Variants in MYH10 observed in about 807,000 individuals in gnomAD.
MYH10 encodes myosin-10.
MYH10 carries 55 observed loss-of-function variants against 257.8 expected under a neutral mutation model. The ratio of observed to expected loss-of-function variants is 0.21; its 90% CI spans 0.17 to 0.27. The LOEUF is 0.27. Among genes scored for constraint, MYH10 ranks in the 10% least tolerant of loss-of-function variants. MYH10 has a pLI of 1.00. For synonymous variants in MYH10, 854 were observed against 921.7 expected (o/e 0.93, Z 1.33); for missense variants, 1,631 against 2,500.6 (o/e 0.65, Z 7.42).
chr17:8,514,027 G>C (rs2081381932), intron 21 of MYH10, 133 bp from the exon 22 acceptor site: 1 of 814,030 alleles, frequency 1.2e-6, no homozygotes, highest in African/African-American at 1.7e-5. Context: ...TCAAGTCCTG[G>C]GTGAGACGCA....
intron 17 of MYH10, among the ~76,000 whole-genome samples, chr17:8,526,138 A>C (rs1271785147): frequency 6.6e-6 from 1 of 152,224 alleles, no homozygotes; most frequent in African/African-American, 2.4e-5. Flanking sequence ...CACCAACAAA[A>C]TCATCTTGTG....
chr17:8,569,799 C>T lies in MYH10; in HGVS notation c.677G>A (p.Arg226Gln), dbSNP rs747816782. 2.9e-5 allele frequency: 46 copies of T among 1,610,846 alleles called. No individual in the cohort carries two copies. In the East Asian group the frequency reaches 5.8e-4, roughly 20 times the overall value. Residue 226 changes from arginine (R) to glutamine (Q), a missense_variant, in exon 7 of 43, where the codon CGG (arginine) becomes CAG (glutamine). Around this residue, in one of 11 missense-constraint regions of MYH10, gnomAD observed 360 missense variants for 581.9 expected, o/e 0.62. Coordinates refer to ENST00000360416, the MANE Select transcript of MYH10 (RefSeq NM_001256012.3). This position sits in a 1 kb window ranked among gnomAD's most constrained non-coding sequence, Gnocchi z 4.1. ...AATTGGATTTGCTTGCAAAAGCTGCCGTTCAAGTTCCCCCTAAAAGACATT... is the reference window on the plus strand; with the variant it reads ...AATTGGATTTGCTTGCAAAAGCTGCTGTTCAAGTTCCCCCTAAAAGACATT... ...KPVKHQGELE[R>Q]QLLQANPILE...
chr17:8,509,287 C>T (rs748335418), intron 25 of MYH10, among the ~76,000 whole-genome samples: 6 of 152,130 alleles, frequency 3.9e-5, no homozygotes, highest in African/African-American at 1.4e-4. Flanking sequence ...ATCAGCCCAG[C>T]GTCTGGTCTA....
intron 17 of MYH10, among the ~76,000 whole-genome samples, chr17:8,530,232 T>C (rs2081970560): frequency 6.6e-6 from 1 of 152,144 alleles, no homozygotes; most frequent in Non-Finnish European, 1.5e-5. Context: ...TAAAGGTGAC[T>C]CAAAAGCAAA....
At chr17:8,556,190 G>A (rs1282277033) in intron 7 of MYH10, among the ~76,000 whole-genome samples, 2 of 152,286 alleles carry the variant, frequency 1.3e-5, no homozygotes, top group East Asian at 1.9e-4. Context: ...AAGGCAAAAC[G>A]GTACAGCCAG....
At chr17:8,551,082 T>C (rs1038498177) in intron 9 of MYH10, among the ~76,000 whole-genome samples, 5 of 150,696 alleles carry the variant, frequency 3.3e-5, no homozygotes, top group African/African-American at 1.2e-4. Flanking sequence ...CCCTCCACTA[T>C]TGTCCTATGA....
intron 7 of MYH10, among the ~76,000 whole-genome samples, chr17:8,565,270 A>G (rs1336244917): frequency 6.6e-6 from 1 of 152,234 alleles, no homozygotes; most frequent in Non-Finnish European, 1.5e-5. Flanking sequence ...TAACAAATCA[A>G]ACATCAAAAT....
chr17:8,481,448 T>C (rs376372614), intron 37 of MYH10, 38 bp from the exon 38 acceptor site: 33 of 1,590,282 alleles, frequency 2.1e-5, no homozygotes, highest in Non-Finnish European at 2.7e-5. Flanking sequence ...TGGCTGTGAA[T>C]AGTTTCCTCA....
intron 3 of MYH10, among the ~76,000 whole-genome samples, chr17:8,603,805 A>G (rs1291717852): frequency 6.6e-6 from 1 of 152,178 alleles, no homozygotes; most frequent in East Asian, 1.9e-4. Flanking sequence ...TATTAAATTT[A>G]ATCTTTCTTT....
intron 3 of MYH10, among the ~76,000 whole-genome samples, chr17:8,600,570 C>T (rs1424424988): frequency 6.6e-6 from 1 of 152,120 alleles, no homozygotes. Context: ...AAGGACCTTA[C>T]GATCAAGGGA....
chr17:8,511,027 T>TATATATAC (rs1567822992), intron 24 of MYH10: 4 of 4,286 alleles, frequency 9.3e-4, no homozygotes, highest in African/African-American at 1.1e-3. Flanking sequence ...TATATATATA[T>TATATATAC]ATATATATAT....
intron 17 of MYH10, among the ~76,000 whole-genome samples, chr17:8,527,460 T>G (rs1265762403): frequency 6.6e-6 from 1 of 152,226 alleles, no homozygotes; most frequent in Non-Finnish European, 1.5e-5. Flanking sequence ...CTGCGCTCGC[T>G]TTCTCCCGTT....
intron 40 of MYH10, among the ~76,000 whole-genome samples, 189 bp downstream of exon 40, chr17:8,479,921 G>A (rs112081418): frequency 7.2e-5 from 11 of 152,282 alleles, no homozygotes; most frequent in Admixed American, 2.0e-4. Context: ...CACGGATGCC[G>A]TCTGTCCTCC....
intron 7 of MYH10, chr17:8,561,276 GC>G: frequency 9.8e-7 from 1 of 1,021,340 alleles, no homozygotes; most frequent in Non-Finnish European, 1.5e-6. Context: ...AAGGGCCGCG[GC>G]CACGTGCAGG....
rs769870246 is a variant in MYH10 at position 8,493,753 on chromosome 17, C to T, written c.4189G>A (p.Val1397Met). ...EEARKNLEKQ[V>M]LALQSQLADT... is the part of the protein sequence containing the mutation. ...CACACCTGGGACTGCAGGGCCAGCA[C>T]TTGCTTCTCCAGGTTCTTCCTGGCC... The change falls in exon 32 of 43, where the codon GTG (valine) becomes ATG (methionine). Residue 1397 changes from valine to methionine, a missense_variant. Around this residue, in one of 11 missense-constraint regions of MYH10, gnomAD observed 463 missense variants for 621.8 expected, o/e 0.74. Transcript: ENST00000360416. The T allele has an allele frequency of 4.3e-6, 7 of 1,613,778 alleles. No homozygotes were observed. Among genetic ancestry groups the T allele is most frequent in the Non-Finnish European group, 5.9e-6 (7 of 1,179,908 alleles).
intron 8 of MYH10, 84 bp downstream of exon 8, chr17:8,553,871 G>A (rs2082713389): frequency 9.3e-7 from 1 of 1,072,284 alleles, no homozygotes; most frequent in South Asian, 1.4e-5. Flanking sequence ...GATTTTGGGA[G>A]TGATATCACA....
chr17:8,496,365 A>G (rs1047102177), intron 30 of MYH10, among the ~76,000 whole-genome samples: 11 of 152,220 alleles, frequency 7.2e-5, no homozygotes, highest in African/African-American at 2.7e-4. Context: ...ACACTTCATC[A>G]GTCTTGGGAA....
At chr17:8,573,113 C>G (rs1316199078) in intron 6 of MYH10, among the ~76,000 whole-genome samples, 2 of 152,188 alleles carry the variant, frequency 1.3e-5, no homozygotes, top group African/African-American at 4.8e-5. Flanking sequence ...GAGTTATATA[C>G]TGCTTTCAAA....
At chr17:8,530,740 A>C in intron 16 of MYH10, 55 bp from the exon 17 acceptor site, 1 of 1,325,748 alleles carries the variant, frequency 7.5e-7, no homozygotes, top group Non-Finnish European at 1.0e-6. Context: ...CAAACACTTC[A>C]GTTAGTGTGA....
Sources: allele counts gnomAD v4.1 joint callset (sites outside exome capture counted in the v4.1 genomes callset), GRCh38; gene constraint gnomAD v4.1.1; regional missense constraint gnomAD v4.1.1; non-coding constraint Gnocchi (gnomAD v3.1); transcripts MANE v1.5; gene names NCBI Gene and HGNC (gene_info 2026-07-23, HGNC 2026-07-21).